The following B2M variants were observed in gnomAD, a reference collection of about 807,000 sequenced individuals.
The protein encoded by B2M is beta chain of MHC class I molecules.
Under a neutral mutation model 14.5 loss-of-function variants are expected in B2M, and 3 were observed. The observed-to-expected ratio is 0.21, with a 90% confidence interval of 0.09 to 0.53. The LOEUF is 0.53. Among genes scored for constraint, B2M ranks in the 20% least tolerant of loss-of-function variants. B2M has a pLI of 0.95. For synonymous variants in B2M, 45 were observed against 52.7 expected (o/e 0.85, Z 0.64); for missense variants, 107 against 140.8 (o/e 0.76, Z 1.21).
intron 2 of B2M, 178 bp from the exon 3 acceptor site, chr15:44,716,151 G>A: frequency 1.4e-6 from 1 of 693,758 alleles, no homozygotes; most frequent in Non-Finnish European, 2.4e-6. Flanking sequence ...ATTGGTATCT[G>A]AGGCTAGTAG....
intron 1 of B2M, chr15:44,714,919 AAGGC>A: frequency 2.4e-5 from 5 of 205,914 alleles, no homozygotes; most frequent in South Asian, 1.5e-4. Context: ...ACCAAAAAGA[AAGGC>A]ATAAACATAA....
Position 44,716,375 on chromosome 15 carries a change from G to T in B2M, c.*14+19G>T, listed in dbSNP as rs1482398431. ...CATGGAGGTAAGTTTTTGACCTTGAGAAAATGTTTTTGTTTCACTGTCCTG... is the reference window on the plus strand; with the variant it reads ...CATGGAGGTAAGTTTTTGACCTTGATAAAATGTTTTTGTTTCACTGTCCTG... On this transcript the variant is annotated intron_variant, in intron 3 of 3. Transcript: ENST00000648006. 6.2e-7 allele frequency: 1 copy of T among 1,601,430 alleles called. No individual in the cohort carries two copies. The highest frequency in any genetic ancestry group is 8.6e-7 in the Non-Finnish European group (1 of 1,168,484).
chr15:44,713,646 C>A (rs984226213), intron 1 of B2M: 85 of 152,354 alleles, frequency 5.6e-4, no homozygotes, highest in African/African-American at 2.0e-3. Context: ...GATGCTCTCA[C>A]AAAATCTTGC....
intron 2 of B2M, 168 bp from the exon 3 acceptor site, chr15:44,716,161 G>T: frequency 2.7e-6 from 2 of 743,700 alleles, no homozygotes. Flanking sequence ...GAGGCTAGTA[G>T]GAAGGGCTTG....
intron 1 of B2M, among the ~76,000 whole-genome samples, chr15:44,712,411 C>G (rs1441695758): frequency 6.6e-6 from 1 of 152,132 alleles, no homozygotes; most frequent in Non-Finnish European, 1.5e-5. Context: ...TATCTTCTGC[C>G]TCTCACAGAT....
chr15:44,716,680 T>C, intron 3 of B2M: 1 of 433,864 alleles, frequency 2.3e-6, no homozygotes, highest in Non-Finnish European at 4.2e-6. Context: ...ACATTGGACA[T>C]CTCTGCTGAG....
chr15:44,715,657 G>A lies in B2M; in HGVS notation c.302G>A (p.Arg101His), dbSNP rs947501664. 3.1e-6 allele frequency: 5 copies of A among 1,614,202 alleles called. No individual in the cohort carries two copies. Among genetic ancestry groups the A allele is most frequent in the South Asian group, 1.1e-5 (1 of 91,086 alleles). Residue 101 changes from arginine to histidine, a missense_variant, in exon 2 of 4, where the codon CGT (arginine) becomes CAT (histidine). Arg to His is a conservative substitution (Grantham distance 29). Coordinates refer to ENST00000648006, the MANE Select transcript of B2M (RefSeq NM_004048.4). ...ACTGAAAAAGATGAGTATGCCTGCC[G>A]TGTGAACCATGTGACTTTGTCACAG... is the stretch of plus-strand genomic sequence containing the variant. Reference protein sequence around the residue: ...TPTEKDEYACRVNHVTLSQPK... With the variant: ...TPTEKDEYACHVNHVTLSQPK...
At position 44,715,509 on chromosome 15, in the gene B2M, C is replaced by T. The variant is rs2141288676; in HGVS notation, c.154C>T (p.Pro52Ser). The change falls in exon 2 of 4, where the codon CCA (proline) becomes TCA (serine). Residue 52 changes from proline to serine, a missense_variant. Transcript: ENST00000648006. ...GAATTGCTATGTGTCTGGGTTTCAT[C>T]CATCCGACATTGAAGTTGACTTACT... ...FLNCYVSGFH[P>S]SDIEVDLLKN... is the part of the protein sequence containing the mutation. 6.2e-7 allele frequency: 1 copy of T among 1,614,076 alleles called. No individual in the cohort carries two copies. Among genetic ancestry groups the T allele is most frequent in the Non-Finnish European group, 8.5e-7 (1 of 1,179,986 alleles).
rs940407624 is a variant in B2M at position 44,711,888 on chromosome 15, T to A, written c.67+275T>A. 6 of 588,820 alleles carry A rather than the reference T, an allele frequency of 1.0e-5. No homozygotes were observed. The Admixed American group carries it at 1.7e-4, about 17-fold the overall frequency. 36.5% of individuals were successfully genotyped at this position (588,820 alleles called of 1,614,324 possible). ...GCGACGGGAGGGTCGGGACAAAGTTTAGGGCGTCGATAAGCGTCAGAGCGC... is the reference window on the plus strand; with the variant it reads ...GCGACGGGAGGGTCGGGACAAAGTTAAGGGCGTCGATAAGCGTCAGAGCGC... On this transcript the variant is annotated intron_variant, in intron 1 of 3. Coordinates refer to ENST00000648006, the MANE Select transcript of B2M (RefSeq NM_004048.4).
At chr15:44,712,382 C>T (rs1338519749) in intron 1 of B2M, among the ~76,000 whole-genome samples, 1 of 152,140 alleles carries the variant, frequency 6.6e-6, no homozygotes, top group African/African-American at 2.4e-5. Context: ...TATCTTCCGC[C>T]ATAGATAACT....
At chr15:44,715,744 G>A (rs1188869889) in intron 2 of B2M, 43 bp downstream of exon 2, 2 of 1,610,150 alleles carry the variant, frequency 1.2e-6, no homozygotes, top group Non-Finnish European at 1.7e-6. Context: ...AGTTGTGTAT[G>A]AGTAGTCATA....
chr15:44,712,999 GAA>G (rs3042005), intron 1 of B2M: 12,316 of 92,794 alleles, frequency 0.13, 570 homozygotes, highest in South Asian at 0.22. Context: ...TCTCAAAAAA[GAA>G]AAAAAAAAAA....
At chr15:44,711,783 G>C (rs2086871116) in intron 1 of B2M, 170 bp downstream of exon 1, 1 of 874,910 alleles carries the variant, frequency 1.1e-6, no homozygotes, top group Non-Finnish European at 1.8e-6. Flanking sequence ...GGTGGCCTGG[G>C]AGTGGGGAAG....
intron 2 of B2M, chr15:44,716,039 T>G (rs1353722188): frequency 1.7e-6 from 1 of 601,550 alleles, no homozygotes; most frequent in African/African-American, 1.9e-5. Flanking sequence ...TCAGGTATAT[T>G]TAGCACTGAA....
intron 2 of B2M, 114 bp downstream of exon 2, chr15:44,715,815 C>T (rs1346779885): frequency 6.4e-6 from 8 of 1,259,010 alleles, no homozygotes; most frequent in Non-Finnish European, 9.1e-6. Flanking sequence ...TGAGTCCCAT[C>T]CCATCTGATA....
rs375765101 is a variant in B2M at position 44,711,674 on chromosome 15, C to T, written c.67+61C>T. ...TCTCCCGCTCTGCACCCTCTGTGGC[C>T]CTCGCTGTGCTCTCTCGCTCCGTGA... On this transcript the variant is annotated intron_variant, in intron 1 of 3. Coordinates refer to ENST00000648006, the MANE Select transcript of B2M (RefSeq NM_004048.4). 32 of 1,545,320 alleles carry T rather than the reference C, an allele frequency of 2.1e-5. No homozygotes were observed. In the African/African-American group the frequency reaches 4.1e-4, roughly 20 times the overall value.
chr15:44,716,124 C>T, intron 2 of B2M: 1 of 637,200 alleles, frequency 1.6e-6, no homozygotes. Context: ...TGGACTTCTC[C>T]AGTACTTTCT....
chr15:44,716,582 A>G (rs2086944089), intron 3 of B2M: 2 of 582,800 alleles, frequency 3.4e-6, no homozygotes, highest in Non-Finnish European at 6.1e-6. Flanking sequence ...CAGAGAGGGC[A>G]AAGGAACTGC....
At chr15:44,712,371 T>C (rs2086886731) in intron 1 of B2M, among the ~76,000 whole-genome samples, 1 of 152,268 alleles carries the variant, frequency 6.6e-6, no homozygotes, top group African/African-American at 2.4e-5. Flanking sequence ...TTGAAAACAG[T>C]TATCTTCCGC....
Sources: gnomAD v4.1 joint callset for allele counts (sites outside exome capture counted in the v4.1 genomes callset) on GRCh38, gnomAD v4.1.1 for gene constraint, MANE v1.5 for transcripts, NCBI Gene and HGNC (gene_info 2026-07-23, HGNC 2026-07-21) for gene names.